The following FBN2 variants were observed in gnomAD, a reference collection of about 807,000 sequenced individuals.
The protein encoded by FBN2 is fibrillin 2, also known as fibrillin-2.
Under a neutral mutation model 355.6 loss-of-function variants are expected in FBN2, and 105 were observed. The observed-to-expected ratio is 0.30, with a 90% CI of 0.25 to 0.35. FBN2 has a LOEUF of 0.35. Among genes scored for constraint, FBN2 ranks in the 10% least tolerant of loss-of-function variants. FBN2 has a pLI of 1.00. For synonymous variants in FBN2, 1,350 were observed against 1,301.2 expected (o/e 1.04, Z -0.81); for missense variants, 3,280 against 3,758.7 (o/e 0.87, Z 3.33).
At chr5:128,520,824 G>C (rs1487765969) in intron 4 of FBN2, among the ~76,000 whole-genome samples, 1 of 152,046 alleles carries the variant, frequency 6.6e-6, no homozygotes, top group African/African-American at 2.4e-5. Context: ...ATACCCTTCT[G>C]CTTCTTTACC....
intron 20 of FBN2, among the ~76,000 whole-genome samples, chr5:128,351,644 T>C (rs1415172008): frequency 1.3e-5 from 2 of 152,088 alleles, no homozygotes; most frequent in Non-Finnish European, 2.9e-5. Context: ...GTAAATAAAA[T>C]ATTATACTAT....
intron 5 of FBN2, among the ~76,000 whole-genome samples, chr5:128,479,353 G>A (rs1225839286): frequency 6.6e-6 from 1 of 151,988 alleles, no homozygotes; most frequent in African/African-American, 2.4e-5. Flanking sequence ...AGCAATGCAG[G>A]GTAGAGGAAA....
At chr5:128,428,948 T>C (rs13182859) in intron 7 of FBN2, among the ~76,000 whole-genome samples, 25,552 of 152,150 alleles carry the variant, frequency 0.17, 2,256 homozygotes, top group Non-Finnish European at 0.21. Context: ...CCACTCTCAT[T>C]GGCCCCAGGT....
chr5:128,424,112 T>C (rs1003072128), intron 7 of FBN2, among the ~76,000 whole-genome samples: 2 of 151,986 alleles, frequency 1.3e-5, no homozygotes, highest in Non-Finnish European at 2.9e-5. Context: ...TTTGAGATAA[T>C]TGTGGGATGT....
chr5:128,305,709 T>G, intron 43 of FBN2, 73 bp from the exon 44 acceptor site: 49 of 1,601,972 alleles, frequency 3.1e-5, no homozygotes, highest in Non-Finnish European at 4.2e-5. Flanking sequence ...CGTCACACTT[T>G]GATGATCAAC....
intron 57 of FBN2, 70 bp downstream of exon 57, chr5:128,278,565 C>G: frequency 7.0e-7 from 1 of 1,426,844 alleles, no homozygotes; most frequent in African/African-American, 1.4e-5. Context: ...TTTCACTTTT[C>G]CTTCACATTT....
intron 11 of FBN2, among the ~76,000 whole-genome samples, chr5:128,387,873 T>C (rs1287758135): frequency 6.6e-6 from 1 of 152,130 alleles, no homozygotes; most frequent in Non-Finnish European, 1.5e-5. Flanking sequence ...TGGCCAAGTG[T>C]TGAATTTAAG....
At chr5:128,412,571 AAACAACAAC>A (rs527973993) in intron 7 of FBN2, among the ~76,000 whole-genome samples, 1 of 152,060 alleles carries the variant, frequency 6.6e-6, no homozygotes, top group Non-Finnish European at 1.5e-5. Context: ...TCCAACTAAT[AAACAACAAC>A]AACAACAACA....
chr5:128,368,436 A>ATG (rs1751834780), intron 16 of FBN2, among the ~76,000 whole-genome samples: 1 of 137,270 alleles, frequency 7.3e-6, no homozygotes, highest in Non-Finnish European at 1.5e-5. Flanking sequence ...ATATATATAC[A>ATG]CATATATACA....
intron 25 of FBN2, among the ~76,000 whole-genome samples, chr5:128,343,960 G>A (rs541668481): frequency 2.0e-5 from 3 of 152,300 alleles, no homozygotes; most frequent in South Asian, 2.1e-4. Flanking sequence ...GCTGGATGCC[G>A]TGGCTCAAGC....
chr5:128,345,579 G>T lies in FBN2; in HGVS notation c.2995C>A (p.Arg999Ser). The change falls in exon 24 of 65, where the codon CGC (arginine) becomes AGC (serine). Residue 999 changes from arginine to serine, a missense_variant. This residue lies in a region of FBN2 where 2,284 missense variants were observed against 2,749.5 expected (regional missense o/e 0.83). Transcript: ENST00000262464. ...DGTGRVCLDI[R>S]MEQCYLKWDE... is the part of the protein sequence containing the mutation. ...CACTTCAAGTAACACTGCTCCATGC[G>T]AATATCTACACCGAGAACGAAATCA... 1 of 1,611,296 alleles carries T rather than the reference G, an allele frequency of 6.2e-7. No homozygotes were observed. The highest frequency in any genetic ancestry group is 1.7e-5 in the Admixed American group (1 of 59,908).
intron 7 of FBN2, among the ~76,000 whole-genome samples, chr5:128,420,127 T>C (rs991648865): frequency 5.3e-5 from 8 of 152,198 alleles, no homozygotes; most frequent in Admixed American, 1.3e-4. Flanking sequence ...AAAATGTATT[T>C]CATGAGTTAA....
chr5:128,327,645 GTT>G (rs1186219055), intron 34 of FBN2, among the ~76,000 whole-genome samples: 1 of 134,074 alleles, frequency 7.5e-6, no homozygotes. Flanking sequence ...TTTTGTTTTT[GTT>G]TTTTTTTTTA....
At chr5:128,384,587 G>C (rs1561429928) in intron 11 of FBN2, among the ~76,000 whole-genome samples, 1 of 152,128 alleles carries the variant, frequency 6.6e-6, no homozygotes, top group East Asian at 1.9e-4. Flanking sequence ...ATGATATAAG[G>C]TGTTGTGAAC....
Position 128,323,680 on chromosome 5 carries a change from G to T in FBN2, c.4472-4679C>A, listed in dbSNP as rs533887512. 4.6e-5 allele frequency among the ~76,000 whole-genome samples: 7 copies of T among 152,268 alleles called. No individual in the cohort carries two copies. The East Asian group carries it at 1.4e-3, about 29-fold the overall frequency. On this transcript the variant is annotated intron_variant, in intron 34 of 64. Transcript: ENST00000262464. ...TGGATAAGCTCTTTGATGTGCTGCTGGATTCGGTTTGCCAGTATTTTATTG... is the reference window on the plus strand; with the variant it reads ...TGGATAAGCTCTTTGATGTGCTGCTTGATTCGGTTTGCCAGTATTTTATTG...
At chr5:128,344,025 G>A (rs1751100106) in intron 25 of FBN2, among the ~76,000 whole-genome samples, 1 of 152,148 alleles carries the variant, frequency 6.6e-6, no homozygotes, top group African/African-American at 2.4e-5. Flanking sequence ...GAAGCCAGGA[G>A]TTTGAGGCCA....
intron 19 of FBN2, among the ~76,000 whole-genome samples, chr5:128,361,174 A>G (rs1751629121): frequency 1.3e-5 from 2 of 152,232 alleles, no homozygotes; most frequent in Non-Finnish European, 2.9e-5. Flanking sequence ...AACACTAGTT[A>G]TGGTCTATAA....
chr5:128,318,784 G>C, intron 35 of FBN2, 95 bp downstream of exon 35: 1 of 1,329,740 alleles, frequency 7.5e-7, no homozygotes, highest in South Asian at 1.3e-5. Context: ...CTAATGCATA[G>C]ATTAGCTAAG....
intron 5 of FBN2, among the ~76,000 whole-genome samples, chr5:128,483,516 T>A (rs564540426): frequency 2.0e-5 from 3 of 151,968 alleles, no homozygotes; most frequent in African/African-American, 4.8e-5. Flanking sequence ...TTTTTTTTTT[T>A]AAATCTTGCA....
Sources: allele counts gnomAD v4.1 joint callset (sites outside exome capture counted in the v4.1 genomes callset), GRCh38; gene constraint gnomAD v4.1.1; regional missense constraint gnomAD v4.1.1; transcripts MANE v1.5; gene names NCBI Gene and HGNC (gene_info 2026-07-23, HGNC 2026-07-21).